Variants in CSMD1 observed in about 807,000 individuals in gnomAD.
CSMD1 encodes the protein CUB and Sushi multiple domains 1.
CSMD1 carries 213 observed loss-of-function variants against 417.5 expected under a neutral mutation model. The ratio of observed to expected loss-of-function variants is 0.51; its 90% CI spans 0.46 to 0.57. The LOEUF (loss-of-function observed/expected upper bound fraction) is 0.57, where lower values mean the gene tolerates loss of function less well. Among genes scored for constraint, CSMD1 ranks in the 20% least tolerant of loss-of-function variants. The probability of loss-of-function intolerance (pLI) is 0.00; values close to 1 mark genes in which losing one functional copy is unlikely to be tolerated. For synonymous variants in CSMD1, 2,862 were observed against 1,736.8 expected (o/e 1.65, Z -16.11); for missense variants, 6,923 against 4,529.7 (o/e 1.53, Z -15.17).
chr8:3,518,797 A>G (rs2117438577), intron 10 of CSMD1, among the ~76,000 whole-genome samples: 1 of 152,306 alleles, frequency 6.6e-6, no homozygotes, highest in South Asian at 2.1e-4. Context: ...AGATGGAACT[A>G]GACACCATGC....
intron 3 of CSMD1, among the ~76,000 whole-genome samples, chr8:4,335,299 C>G (rs984702388): frequency 6.6e-6 from 1 of 152,070 alleles, no homozygotes; most frequent in African/African-American, 2.4e-5. Context: ...ACTACCATAA[C>G]CGGGAGGGTG....
chr8:3,834,323 C>T (rs1802546216), intron 5 of CSMD1, among the ~76,000 whole-genome samples: 1 of 152,122 alleles, frequency 6.6e-6, no homozygotes, highest in African/African-American at 2.4e-5. Flanking sequence ...GTGGATGTGG[C>T]TTACTCACTG....
chr8:3,366,578 G>A (rs1809579686), intron 20 of CSMD1, among the ~76,000 whole-genome samples: 1 of 152,078 alleles, frequency 6.6e-6, no homozygotes, highest in South Asian at 2.1e-4. Context: ...ATCCTCAACT[G>A]TGTGTGTCCA....
chr8:3,335,822 A>G (rs1023697479), intron 23 of CSMD1, among the ~76,000 whole-genome samples: 68 of 152,314 alleles, frequency 4.5e-4, no homozygotes, highest in African/African-American at 1.6e-3. Context: ...CTTTACTATT[A>G]TTTGCATTTT....
chr8:4,101,235 C>T (rs1357661697), intron 3 of CSMD1, among the ~76,000 whole-genome samples: 3 of 152,132 alleles, frequency 2.0e-5, no homozygotes, highest in Non-Finnish European at 4.4e-5. Context: ...TTGTTTTTTG[C>T]TGTTTCTCCC....
intron 5 of CSMD1, among the ~76,000 whole-genome samples, chr8:3,899,856 T>C (rs1034652396): frequency 6.6e-6 from 1 of 152,220 alleles, no homozygotes; most frequent in African/African-American, 2.4e-5. Flanking sequence ...AAAATGTCCA[T>C]TTCTTCAGTT....
At chr8:3,695,087 C>CGCGT (rs1800472005) in intron 7 of CSMD1, among the ~76,000 whole-genome samples, 1 of 145,492 alleles carries the variant, frequency 6.9e-6, no homozygotes, top group African/African-American at 2.6e-5. Context: ...GGAGGCCCTG[C>CGCGT]GTGTGTGTGT....
At chr8:4,092,032 C>A (rs1800749530) in intron 3 of CSMD1, among the ~76,000 whole-genome samples, 1 of 152,090 alleles carries the variant, frequency 6.6e-6, no homozygotes, top group Non-Finnish European at 1.5e-5. Context: ...TAGCACATAT[C>A]ACAGGGAAGG....
intron 11 of CSMD1, among the ~76,000 whole-genome samples, chr8:3,492,851 T>A (rs1796187336): frequency 6.6e-6 from 1 of 151,582 alleles, no homozygotes; most frequent in Non-Finnish European, 1.5e-5. Context: ...CCATGTCTGT[T>A]ACTTTATTAC....
chr8:3,719,496 T>C (rs1802025862), intron 6 of CSMD1, among the ~76,000 whole-genome samples: 1 of 152,218 alleles, frequency 6.6e-6, no homozygotes, highest in African/African-American at 2.4e-5. Flanking sequence ...AGTTCCCATT[T>C]TCCCTGGACC....
intron 10 of CSMD1, among the ~76,000 whole-genome samples, chr8:3,499,201 G>C (rs969716738): frequency 7.2e-5 from 11 of 152,130 alleles, no homozygotes; most frequent in Admixed American, 5.2e-4. Flanking sequence ...GGGTGCTTTG[G>C]TTTGTATTCT....
intron 3 of CSMD1, among the ~76,000 whole-genome samples, chr8:4,404,239 C>G (rs902780874): frequency 3.3e-5 from 5 of 152,070 alleles, no homozygotes; most frequent in Admixed American, 2.0e-4. Flanking sequence ...TATTATCTGT[C>G]ACCTTGTGAT....
chr8:3,875,006 A>C (rs116864198), intron 5 of CSMD1, among the ~76,000 whole-genome samples: 1 of 151,358 alleles, frequency 6.6e-6, no homozygotes, highest in Non-Finnish European at 1.5e-5. Flanking sequence ...CATCATCTCA[A>C]GAAGAATGGA....
At chr8:3,560,794 G>A (rs139732340) in intron 10 of CSMD1, among the ~76,000 whole-genome samples, 20 of 152,152 alleles carry the variant, frequency 1.3e-4, no homozygotes, top group African/African-American at 3.9e-4. Flanking sequence ...TGACCCTATC[G>A]AGCTAGAGAA....
chr8:4,709,641 C>A (rs568587179), intron 1 of CSMD1, among the ~76,000 whole-genome samples: 1 of 152,290 alleles, frequency 6.6e-6, no homozygotes, highest in Non-Finnish European at 1.5e-5. Context: ...GAGCCCAAGA[C>A]TACTGGGGGT....
At chr8:3,723,333 A>T (rs1802293843) in intron 6 of CSMD1, among the ~76,000 whole-genome samples, 1 of 152,122 alleles carries the variant, frequency 6.6e-6, no homozygotes, top group African/African-American at 2.4e-5. Context: ...TCATTTGATT[A>T]GGTCAGGGCC....
rs982687139 is a variant in CSMD1 at position 2,937,765 on chromosome 8, T to C, written c.*820A>G. On this transcript the variant is annotated 3_prime_UTR_variant, in exon 70 of 70. Transcript: ENST00000635120. Reference sequence around the variant, plus strand: ...ATACTGTATTTCCTTTTAAAATCTGTGCCATATCTAGGAATACTTTTCCCT... The same window carrying C: ...ATACTGTATTTCCTTTTAAAATCTGCGCCATATCTAGGAATACTTTTCCCT... The C allele has an allele frequency of 1.3e-5, 2 of 152,664 alleles. No homozygotes were observed. Among genetic ancestry groups the C allele is most frequent in the Non-Finnish European group, 2.9e-5 (2 of 68,044 alleles). The allele number at this position is 152,664 out of a possible 1,614,324, so 9.5% of individuals were successfully genotyped here. A position where few individuals can be genotyped will look rare whatever the true frequency, so the allele number is the denominator to read the frequency against.
intron 63 of CSMD1, among the ~76,000 whole-genome samples, chr8:2,956,894 T>C (rs531615538): frequency 6.6e-6 from 1 of 152,180 alleles, no homozygotes; most frequent in Non-Finnish European, 1.5e-5. Context: ...TGTATGTATA[T>C]ACATATATAT....
intron 26 of CSMD1, among the ~76,000 whole-genome samples, chr8:3,258,062 C>T (rs1464983088): frequency 2.6e-5 from 4 of 152,086 alleles, no homozygotes; most frequent in African/African-American, 9.7e-5. Context: ...GACAGGGCCC[C>T]ATTCTCATAA....
Sources: gnomAD v4.1 joint callset for allele counts (sites outside exome capture counted in the v4.1 genomes callset) on GRCh38, gnomAD v4.1.1 for gene constraint, MANE v1.5 for transcripts, NCBI Gene and HGNC (gene_info 2026-07-23, HGNC 2026-07-21) for gene names.